Variants in CHCHD3 observed in about 807,000 individuals in gnomAD.
CHCHD3 encodes coiled-coil-helix-coiled-coil-helix domain containing 3, also known as MICOS complex subunit MIC19.
In CHCHD3, 20 loss-of-function variants were observed where a neutral mutation model predicts 38.2. That is an observed-to-expected ratio of 0.52 (90% CI 0.37 to 0.76). CHCHD3 has a LOEUF of 0.76. Among genes scored for constraint, CHCHD3 ranks in the 30% least tolerant of loss-of-function variants. The pLI is 0.00. For missense variants in CHCHD3, 245 were observed against 279.2 expected (o/e 0.88, Z 0.87); for synonymous variants, 82 against 100.0 (o/e 0.82, Z 1.07).
intron 5 of CHCHD3, among the ~76,000 whole-genome samples, chr7:132,861,703 C>T (rs1808494491): frequency 6.6e-6 from 1 of 152,138 alleles, no homozygotes; most frequent in Non-Finnish European, 1.5e-5. Context: ...CGAAAGTAGC[C>T]ACGGACAATA....
chr7:132,849,154 CT>C (rs1016404632), intron 5 of CHCHD3: 8 of 152,162 alleles, frequency 5.3e-5, no homozygotes, highest in African/African-American at 1.9e-4. Context: ...CTGGTTTCTC[CT>C]TGTGGAAGGC....
intron 4 of CHCHD3, among the ~76,000 whole-genome samples, chr7:132,949,608 A>G (rs1810989610): frequency 1.3e-5 from 2 of 152,218 alleles, no homozygotes; most frequent in Non-Finnish European, 2.9e-5. Context: ...AAACAACCCA[A>G]TAATTTTTAA....
intron 5 of CHCHD3, among the ~76,000 whole-genome samples, chr7:132,866,445 T>C (rs1218105586): frequency 1.3e-5 from 2 of 152,212 alleles, no homozygotes; most frequent in East Asian, 1.9e-4. Context: ...AGCAAACACA[T>C]TGACATACAT....
intron 4 of CHCHD3, among the ~76,000 whole-genome samples, chr7:132,891,945 C>T (rs1809372602): frequency 6.6e-6 from 1 of 152,204 alleles, no homozygotes; most frequent in Non-Finnish European, 1.5e-5. Context: ...TTGTAAGTTT[C>T]CTGAGGCCTT....
intron 3 of CHCHD3, among the ~76,000 whole-genome samples, chr7:133,009,611 T>C (rs1812807251): frequency 6.6e-6 from 1 of 151,756 alleles, no homozygotes. Flanking sequence ...TGTTACGCCA[T>C]GCACCTCTTG....
chr7:132,917,998 C>T (rs183089272), intron 4 of CHCHD3, among the ~76,000 whole-genome samples: 543 of 151,736 alleles, frequency 3.6e-3, no homozygotes, highest in Non-Finnish European at 6.2e-3. Flanking sequence ...AAGATCAGAA[C>T]GCAGCAAAGA....
intron 5 of CHCHD3, among the ~76,000 whole-genome samples, chr7:132,877,464 T>C (rs1808941199): frequency 6.6e-6 from 1 of 152,210 alleles, no homozygotes; most frequent in South Asian, 2.1e-4. Context: ...GTTCCATCTT[T>C]GCACCTAAGT....
At chr7:132,824,475 C>T (rs1296834521) in intron 6 of CHCHD3, among the ~76,000 whole-genome samples, 6 of 151,982 alleles carry the variant, frequency 3.9e-5, no homozygotes, top group Admixed American at 1.3e-4. Context: ...CCCGCCACCA[C>T]GCCAGGCTAA....
intron 4 of CHCHD3, among the ~76,000 whole-genome samples, chr7:132,886,359 A>T (rs1346012322): frequency 1.3e-5 from 2 of 151,986 alleles, no homozygotes; most frequent in Non-Finnish European, 2.9e-5. Flanking sequence ...AATTTACAAG[A>T]TTTTTTAAAA....
At chr7:133,003,912 C>T (rs1812635235) in intron 3 of CHCHD3, among the ~76,000 whole-genome samples, 1 of 151,978 alleles carries the variant, frequency 6.6e-6, no homozygotes, top group Admixed American at 6.6e-5. Flanking sequence ...AAATAATTTC[C>T]ATTAGAAAGT....
intron 4 of CHCHD3, among the ~76,000 whole-genome samples, chr7:132,914,922 G>C (rs1442054758): frequency 6.6e-6 from 1 of 152,184 alleles, no homozygotes; most frequent in African/African-American, 2.4e-5. Flanking sequence ...AGCACTTCAG[G>C]AGGCTGAGGC....
chr7:133,012,481 A>G (rs1001330596), intron 3 of CHCHD3, among the ~76,000 whole-genome samples: 1 of 152,174 alleles, frequency 6.6e-6, no homozygotes, highest in African/African-American at 2.4e-5. Context: ...ATAAATCTTC[A>G]GGCCAGGCAC....
At chr7:132,884,068 TC>T (rs1227769842) in intron 5 of CHCHD3, among the ~76,000 whole-genome samples, 1 of 152,134 alleles carries the variant, frequency 6.6e-6, no homozygotes, top group Non-Finnish European at 1.5e-5. Context: ...ACACCAGTCA[TC>T]CCTTTTCCGA....
chr7:133,058,511 C>G (rs1178651479), intron 2 of CHCHD3, among the ~76,000 whole-genome samples: 3 of 152,194 alleles, frequency 2.0e-5, no homozygotes, highest in East Asian at 3.8e-4. Context: ...CGTAACCTAG[C>G]TGGTTGCATA....
rs114361678 is a variant in CHCHD3 at position 132,919,014 on chromosome 7, T to C, written c.370-33269A>G. 3.0e-3 allele frequency among the ~76,000 whole-genome samples: 457 copies of C among 152,172 alleles called. 1 individual carries two copies. The highest frequency in any genetic ancestry group is 0.011 in the African/African-American group (438 of 41,512). On this transcript the variant is annotated intron_variant, in intron 4 of 7. Coordinates refer to ENST00000262570, the MANE Select transcript of CHCHD3 (RefSeq NM_017812.4). Reference sequence around the variant, plus strand: ...AAGCTGTTTTCTCCACGAGGTAGATTCTGTGAAGGTCAGATAAGAGCTTAT... The same window carrying C: ...AAGCTGTTTTCTCCACGAGGTAGATCCTGTGAAGGTCAGATAAGAGCTTAT...
chr7:133,042,317 T>C (rs1220906488), intron 2 of CHCHD3, among the ~76,000 whole-genome samples: 1 of 152,206 alleles, frequency 6.6e-6, no homozygotes, highest in African/African-American at 2.4e-5. Flanking sequence ...GTCCCTAAGA[T>C]TCTCTCCAAC....
chr7:133,082,046 G>A lies in CHCHD3; in HGVS notation c.-109C>T, dbSNP rs1347568647. ...CCTGGATTCTTTTCCCGCACAGCGGGAGCAAGGCCACGACCCCCAGAAGCA... is the reference window on the plus strand; with the variant it reads ...CCTGGATTCTTTTCCCGCACAGCGGAAGCAAGGCCACGACCCCCAGAAGCA... On this transcript the variant is annotated 5_prime_UTR_variant, in exon 1 of 8. Transcript: ENST00000262570. The A allele has an allele frequency of 2.0e-5, 21 of 1,032,986 alleles. No individual in the cohort carries two copies. The highest frequency in any genetic ancestry group is 3.1e-5 in the Admixed American group (1 of 32,404). 64.0% of individuals were successfully genotyped at this position (1,032,986 alleles called of 1,614,324 possible). A position where few individuals can be genotyped will look rare whatever the true frequency, so the allele number is the denominator to read the frequency against.
intron 6 of CHCHD3, among the ~76,000 whole-genome samples, chr7:132,799,132 G>A (rs1268481017): frequency 6.6e-6 from 1 of 151,802 alleles, no homozygotes; most frequent in Non-Finnish European, 1.5e-5. Flanking sequence ...AAGAGGAATG[G>A]AAATCAGCAT....
intron 3 of CHCHD3, among the ~76,000 whole-genome samples, chr7:133,015,309 C>T (rs1431185040): frequency 1.3e-5 from 2 of 151,532 alleles, no homozygotes; most frequent in African/African-American, 4.9e-5. Context: ...TGCCACTGCA[C>T]TCCAACCTGG....
Sources: allele counts gnomAD v4.1 joint callset (sites outside exome capture counted in the v4.1 genomes callset), GRCh38; gene constraint gnomAD v4.1.1; transcripts MANE v1.5; gene names NCBI Gene and HGNC (gene_info 2026-07-23, HGNC 2026-07-21).